Variants in GABRA1 observed in about 807,000 individuals in gnomAD.
The protein encoded by GABRA1 is gamma-aminobutyric acid receptor subunit alpha-1.
A neutral mutation model predicts 48.9 loss-of-function variants in GABRA1; 9 were observed. The ratio of observed to expected loss-of-function variants is 0.18; its 90% confidence interval spans 0.11 to 0.32. The LOEUF (loss-of-function observed/expected upper bound fraction) is 0.32, where lower values mean the gene tolerates loss of function less well. Among genes scored for constraint, GABRA1 ranks in the 10% least tolerant of loss-of-function variants. GABRA1 has a pLI of 1.00. For synonymous variants in GABRA1, 210 were observed against 198.7 expected (o/e 1.06, Z -0.48); for missense variants, 285 against 553.8 (o/e 0.51, Z 4.87).
rs1291774165 is a variant in GABRA1, at chr5:161,898,959, A to C, written c.*1537A>C. On this transcript the variant is annotated 3_prime_UTR_variant, in exon 10 of 10. Transcript: ENST00000393943. ...GGGCTTTAAATAAAAGAGGTCCATTAATACTTCCTTATAAAAATTCTAGTC... is the reference window on the plus strand; with the variant it reads ...GGGCTTTAAATAAAAGAGGTCCATTCATACTTCCTTATAAAAATTCTAGTC... 7 of 152,582 alleles carry C rather than the reference A, an allele frequency of 4.6e-5. No individual in the cohort carries two copies. In the East Asian group the frequency reaches 1.3e-3, roughly 29 times the overall value. 9.5% of individuals were successfully genotyped at this position (152,582 alleles called of 1,614,324 possible).
At chr5:161,878,712 C>A (rs1285575476) in intron 6 of GABRA1, among the ~76,000 whole-genome samples, 1 of 152,144 alleles carries the variant, frequency 6.6e-6, no homozygotes, top group Non-Finnish European at 1.5e-5. Flanking sequence ...CATGATACAA[C>A]TGTGATCGTT....
At chr5:161,895,414 C>T (rs953573987) in intron 8 of GABRA1, among the ~76,000 whole-genome samples, 2 of 152,138 alleles carry the variant, frequency 1.3e-5, no homozygotes. Flanking sequence ...AGCTTACTAT[C>T]TTCTGAAGAG....
chr5:161,857,636 G>C (rs779335967), intron 3 of GABRA1, among the ~76,000 whole-genome samples: 1 of 151,566 alleles, frequency 6.6e-6, no homozygotes, highest in Admixed American at 6.6e-5. Context: ...ATTAGAATAC[G>C]TGGAATTCTA....
chr5:161,892,818 C>T (rs1755159267), intron 8 of GABRA1, among the ~76,000 whole-genome samples: 1 of 151,888 alleles, frequency 6.6e-6, no homozygotes, highest in Non-Finnish European at 1.5e-5. Flanking sequence ...TCCTGGCCAA[C>T]ATGGTGAAAC....
intron 3 of GABRA1, among the ~76,000 whole-genome samples, chr5:161,861,772 T>C (rs1013504763): frequency 6.6e-6 from 1 of 151,902 alleles, no homozygotes; most frequent in African/African-American, 2.4e-5. Context: ...TACATTGATG[T>C]TTATGTAGGA....
At chr5:161,888,521 T>C (rs1754947376) in intron 7 of GABRA1, among the ~76,000 whole-genome samples, 1 of 152,082 alleles carries the variant, frequency 6.6e-6, no homozygotes, top group African/African-American at 2.4e-5. Flanking sequence ...AAATGTCATG[T>C]TGAGAACAAC....
chr5:161,847,443 A>G (rs371048626), upstream of GABRA1: 45 of 152,366 alleles, frequency 3.0e-4, no homozygotes, highest in African/African-American at 9.6e-4. Context: ...CCATGATAAC[A>G]TAGACAAACA....
chr5:161,879,782 T>C (rs2113403861), intron 6 of GABRA1, among the ~76,000 whole-genome samples: 1 of 152,294 alleles, frequency 6.6e-6, no homozygotes, highest in South Asian at 2.1e-4. Context: ...TCATATGCAA[T>C]GGTGCTTCTA....
Position 161,890,779 on chromosome 5 carries a change from A to G in GABRA1, c.704-119A>G, listed in dbSNP as rs889655503. On this transcript the variant is annotated intron_variant, in intron 7 of 9. Coordinates refer to ENST00000393943, the MANE Select transcript of GABRA1 (RefSeq NM_001127644.2). ...AAAAACTTTTCCCTCCAAGAACTGG[A>G]TGTCACATGGAGAAAGGATGTGTCT... 6 of 889,198 alleles carry G rather than the reference A, an allele frequency of 6.7e-6. No individual in the cohort carries two copies. The Admixed American group carries it at 1.1e-4, about 17-fold the overall frequency. 55.1% of individuals were successfully genotyped at this position (889,198 alleles called of 1,614,324 possible). A position where few individuals can be genotyped will look rare whatever the true frequency, so the allele number is the denominator to read the frequency against.
chr5:161,873,535 C>A (rs562126628), intron 5 of GABRA1, among the ~76,000 whole-genome samples, 198 bp downstream of exon 5: 1 of 152,196 alleles, frequency 6.6e-6, no homozygotes, highest in East Asian at 1.9e-4. Flanking sequence ...TGTTTATTTG[C>A]TTACATCTAG....
chr5:161,877,440 C>G (rs1581202208), intron 6 of GABRA1, among the ~76,000 whole-genome samples: 1 of 152,136 alleles, frequency 6.6e-6, no homozygotes, highest in South Asian at 2.1e-4. Context: ...CCTAACAAGG[C>G]CACTGTCTTA....
intron 8 of GABRA1, among the ~76,000 whole-genome samples, chr5:161,892,670 A>AAAAC (rs3078109): frequency 0.16 from 24,297 of 150,796 alleles, 2,469 homozygotes; most frequent in Middle Eastern, 0.25. Context: ...CTAGGAAATT[A>AAAAC]AAACAAACAA....
At chr5:161,867,425 G>C (rs1753915701) in intron 4 of GABRA1, among the ~76,000 whole-genome samples, 1 of 152,116 alleles carries the variant, frequency 6.6e-6, no homozygotes, top group Admixed American at 6.6e-5. Context: ...AGTACAGTGT[G>C]GGGGTTAGCA....
intron 1 of GABRA1, chr5:161,848,935 C>G (rs1757329158): frequency 2.2e-6 from 1 of 454,258 alleles, no homozygotes; most frequent in Admixed American, 2.4e-5. Context: ...CCTGTTTTTC[C>G]CTTTCCAGTG....
At chr5:161,863,955 T>A (rs1757955942) in intron 3 of GABRA1, among the ~76,000 whole-genome samples, 1 of 151,580 alleles carries the variant, frequency 6.6e-6, no homozygotes, top group Non-Finnish European at 1.5e-5. Context: ...ATTAGCAGAG[T>A]TTTCCAGCCA....
chr5:161,882,454 C>G lies in GABRA1; in HGVS notation c.560-104C>G, dbSNP rs188676424. The G allele has an allele frequency of 4.5e-6, 5 of 1,123,180 alleles. No individual in the cohort carries two copies. In the Admixed American group the frequency reaches 9.1e-5, roughly 20 times the overall value. The allele number at this position is 1,123,180 out of a possible 1,614,324, so 69.6% of individuals were successfully genotyped here. A position where few individuals can be genotyped will look rare whatever the true frequency, so the allele number is the denominator to read the frequency against. ...AAGCTCATCTTTCCTAGCCTGCCCTCTGGAACCATGATATAGAAAATATGA... is the reference window on the plus strand; with the variant it reads ...AAGCTCATCTTTCCTAGCCTGCCCTGTGGAACCATGATATAGAAAATATGA... On this transcript the variant is annotated intron_variant, in intron 6 of 9. Transcript: ENST00000393943.
At chr5:161,865,699 G>A (rs376657259) in intron 3 of GABRA1, 22 bp from the exon 4 acceptor site, 74 of 1,607,004 alleles carry the variant, frequency 4.6e-5, no homozygotes, top group African/African-American at 2.9e-4. Context: ...ACACTCACTC[G>A]CCCAATTTCC....
rs569712567 is a variant in GABRA1, at chr5:161,891,074, C to T, written c.856+24C>T. ...TGGTAAGTCCCAATCAAGATACATA[C>T]GCAAGGAAGGGTATGGAAGACAAGT... is the stretch of plus-strand genomic sequence containing the variant. On this transcript the variant is annotated intron_variant, in intron 8 of 9. Transcript: ENST00000393943. 104 of 1,610,068 alleles carry T rather than the reference C, an allele frequency of 6.5e-5. No individual in the cohort carries two copies. In the East Asian group the frequency reaches 1.2e-3, roughly 19 times the overall value.
rs2113477141 is a variant in GABRA1 at position 161,899,193 on chromosome 5, A to G, written c.*1771A>G. ...AGTTGGGATCCAAACCCAAGTCTTG[A>G]GCAATGTTTTTCTCAAAAAGCTGCT... is the stretch of plus-strand genomic sequence containing the variant. On this transcript the variant is annotated 3_prime_UTR_variant, in exon 10 of 10. Coordinates refer to ENST00000393943, the MANE Select transcript of GABRA1 (RefSeq NM_001127644.2). 6.5e-6 allele frequency: 1 copy of G among 152,676 alleles called. No individual in the cohort carries two copies. The highest frequency in any genetic ancestry group is 1.5e-5 in the Non-Finnish European group (1 of 67,982). 9.5% of individuals were successfully genotyped at this position (152,676 alleles called of 1,614,324 possible).
Sources: allele counts gnomAD v4.1 joint callset (sites outside exome capture counted in the v4.1 genomes callset), GRCh38; gene constraint gnomAD v4.1.1; transcripts MANE v1.5; gene names NCBI Gene and HGNC (gene_info 2026-07-23, HGNC 2026-07-21).